The following IGF2BP1 variants were observed in gnomAD, a reference collection of about 807,000 sequenced individuals.
IGF2BP1 encodes insulin like growth factor 2 mRNA binding protein 1.
IGF2BP1 carries 11 observed loss-of-function variants against 74.9 expected under a neutral mutation model. That is an observed-to-expected ratio of 0.15 (90% CI 0.09 to 0.24). The LOEUF (loss-of-function observed/expected upper bound fraction) is 0.24. Ranked by LOEUF, IGF2BP1 falls within the 10% of genes least tolerant of loss-of-function variation. The pLI is 1.00. For synonymous variants in IGF2BP1, 287 were observed against 281.8 expected (o/e 1.02, Z -0.18); for missense variants, 440 against 757.4 (o/e 0.58, Z 4.92).
intron 6 of IGF2BP1, among the ~76,000 whole-genome samples, chr17:49,038,684 C>A (rs999278613): frequency 6.6e-6 from 1 of 152,012 alleles, no homozygotes; most frequent in Non-Finnish European, 1.5e-5. Context: ...AAGAGAGATT[C>A]TATAATTTCT....
In IGF2BP1 at chr17:49,008,186, A is replaced by G. The variant is rs1350772317; in HGVS notation, c.236+9017A>G. On this transcript the variant is annotated intron_variant, in intron 2 of 14. Coordinates refer to ENST00000290341, the MANE Select transcript of IGF2BP1 (RefSeq NM_006546.4). ...AAATTCCATCTCAAAAAAAAAAAAA[A>G]AAGTAAATAAATTGAAGGGCAAAGA... Among the ~76,000 whole-genome samples, 43 of 151,916 alleles carry G rather than the reference A, an allele frequency of 2.8e-4. 1 individual carries two copies. Among genetic ancestry groups the G allele is most frequent in the Non-Finnish European group, 1.5e-5 (1 of 68,000 alleles).
chr17:49,038,537 C>A, intron 6 of IGF2BP1, 88 bp downstream of exon 6: 2 of 1,280,318 alleles, frequency 1.6e-6, no homozygotes, highest in Non-Finnish European at 1.0e-6. Flanking sequence ...ATGCTGGAGA[C>A]ATCAACATTT....
intron 14 of IGF2BP1, among the ~76,000 whole-genome samples, chr17:49,047,756 C>T (rs2042121412): frequency 1.3e-5 from 2 of 151,036 alleles, no homozygotes; most frequent in Non-Finnish European, 2.9e-5. Flanking sequence ...CTCTGCCATC[C>T]AGGCTGGAGG....
At chr17:49,023,013 C>A (rs1192824120) in intron 2 of IGF2BP1, among the ~76,000 whole-genome samples, 3 of 152,250 alleles carry the variant, frequency 2.0e-5, no homozygotes, top group Non-Finnish European at 4.4e-5. Context: ...TCTGCGTTCT[C>A]AACCTTCCAA....
intron 5 of IGF2BP1, among the ~76,000 whole-genome samples, chr17:49,032,246 G>A (rs1242568659): frequency 6.6e-6 from 1 of 152,168 alleles, no homozygotes; most frequent in African/African-American, 2.4e-5. Context: ...AGCCCTCCCA[G>A]ATAAGTGGGA....
chr17:49,040,509 A>G (rs2042038709), intron 7 of IGF2BP1, among the ~76,000 whole-genome samples: 1 of 151,844 alleles, frequency 6.6e-6, no homozygotes, highest in African/African-American at 2.4e-5. Context: ...GTGCCACCAC[A>G]CCCCATCCCT....
intron 3 of IGF2BP1, among the ~76,000 whole-genome samples, 172 bp downstream of exon 3, chr17:49,025,838 TTC>T (rs2041846228): frequency 7.1e-6 from 1 of 141,556 alleles, no homozygotes; most frequent in Non-Finnish European, 1.6e-5. Context: ...TTTCTTCTTT[TTC>T]TTTCTTTCTT....
In IGF2BP1 at chr17:49,053,265, AT is replaced by A; in HGVS notation, c.*3825del. The stretch of plus-strand genomic sequence containing the variant: ...GGATGCTCTAGTTGGTTCTGTGTCC[AT>A]TTTCCTCTGTGCCAAAGACAGACAG... On this transcript the variant is annotated 3_prime_UTR_variant, in exon 15 of 15. Transcript: ENST00000290341. 1 of 152,700 alleles carries A rather than the reference AT, an allele frequency of 6.5e-6. No homozygotes were observed. Among genetic ancestry groups the A allele is most frequent in the Middle Eastern group, 3.4e-3 (1 of 296 alleles). The allele number at this position is 152,700 out of a possible 1,614,324, so 9.5% of individuals were successfully genotyped here.
At chr17:49,012,063 A>G (rs931970135) in intron 2 of IGF2BP1, among the ~76,000 whole-genome samples, 4 of 151,960 alleles carry the variant, frequency 2.6e-5, no homozygotes, top group African/African-American at 9.7e-5. Flanking sequence ...GTGCCACCAC[A>G]CCTGGCAAAT....
At chr17:49,044,896 G>T in intron 11 of IGF2BP1, 95 bp from the exon 12 acceptor site, 1 of 1,026,846 alleles carries the variant, frequency 9.7e-7, no homozygotes, top group South Asian at 1.3e-5. Flanking sequence ...ATGGGTAGTT[G>T]GGAGTAAGGG....
intron 14 of IGF2BP1, 52 bp downstream of exon 14, chr17:49,046,425 G>A: frequency 1.5e-6 from 2 of 1,342,630 alleles, no homozygotes; most frequent in Non-Finnish European, 2.1e-6. Flanking sequence ...CCAGGGAGCA[G>A]AGAAGCAGAG....
chr17:49,025,313 A>AGTGTGTGTGTGT (rs369153046), intron 2 of IGF2BP1, among the ~76,000 whole-genome samples: 128 of 133,650 alleles, frequency 9.6e-4, no homozygotes, highest in South Asian at 1.6e-3. Context: ...GGACAAACAA[A>AGTGTGTGTGTGT]GTGTGTGTGT....
chr17:49,007,097 C>G (rs564692886), intron 2 of IGF2BP1, among the ~76,000 whole-genome samples: 1 of 152,162 alleles, frequency 6.6e-6, no homozygotes, highest in African/African-American at 2.4e-5. Flanking sequence ...TGTAAGAATT[C>G]AGGATGAAGG....
At chr17:49,014,671 G>C (rs1398135865) in intron 2 of IGF2BP1, 2 of 635,822 alleles carry the variant, frequency 3.1e-6, no homozygotes, top group Non-Finnish European at 3.9e-6. Flanking sequence ...ATGGTTGGCA[G>C]CTAGGGGGAG....
intron 3 of IGF2BP1, 111 bp from the exon 4 acceptor site, chr17:49,026,355 C>A: frequency 1.1e-6 from 1 of 904,308 alleles, no homozygotes; most frequent in Non-Finnish European, 1.8e-6. Context: ...CTCAAACACT[C>A]CTATGGCTCT....
intron 2 of IGF2BP1, among the ~76,000 whole-genome samples, chr17:49,020,706 G>A (rs943319909): frequency 2.6e-5 from 4 of 152,194 alleles, no homozygotes; most frequent in African/African-American, 9.6e-5. Flanking sequence ...ATTGCACTCC[G>A]ATAAATCAAA....
chr17:49,034,979 T>A (rs1195563633), intron 5 of IGF2BP1, among the ~76,000 whole-genome samples: 1 of 152,178 alleles, frequency 6.6e-6, no homozygotes, highest in Non-Finnish European at 1.5e-5. Flanking sequence ...AGAAAAACCT[T>A]AACAGTCTTG....
chr17:48,998,202 C>T (rs547165661), intron 1 of IGF2BP1, among the ~76,000 whole-genome samples: 1 of 152,264 alleles, frequency 6.6e-6, no homozygotes, highest in South Asian at 2.1e-4. Context: ...GCGGGAGCCC[C>T]CACTGGCAGT....
chr17:49,033,003 G>C (rs2041943110), intron 5 of IGF2BP1, among the ~76,000 whole-genome samples: 2 of 152,112 alleles, frequency 1.3e-5, no homozygotes, highest in Non-Finnish European at 2.9e-5. Context: ...TTTTTGTAGA[G>C]ACGAGGTTTC....
Sources: gnomAD v4.1 joint callset for allele counts (sites outside exome capture counted in the v4.1 genomes callset) on GRCh38, gnomAD v4.1.1 for gene constraint, MANE v1.5 for transcripts, NCBI Gene and HGNC (gene_info 2026-07-23, HGNC 2026-07-21) for gene names.